SH3KBP1: variants seen among roughly 807,000 people sequenced by gnomAD.
SH3KBP1 encodes the protein SH3 domain-containing kinase-binding protein 1.
A neutral mutation model predicts 50.1 loss-of-function variants in SH3KBP1; 8 were observed. The observed-to-expected ratio is 0.16, with a 90% CI of 0.09 to 0.29. SH3KBP1 has a LOEUF of 0.29. Ranked by LOEUF, SH3KBP1 falls within the 10% of genes least tolerant of loss-of-function variation. The probability of loss-of-function intolerance (pLI) is 1.00; values close to 1 mark genes in which losing one functional copy is unlikely to be tolerated. For synonymous variants in SH3KBP1, 227 were observed against 218.6 expected, an observed-to-expected ratio of 1.04 and a Z score of -0.34; for missense variants, 377 against 535.2, an observed-to-expected ratio of 0.70 and a Z score of 2.92.
Position 19,572,629 on chromosome X carries a change from G to A in SH3KBP1, c.1299-3441C>T, listed in dbSNP as rs189278515. Among the ~76,000 whole-genome samples the A allele has an allele frequency of 3.7e-3, 404 of 109,237 alleles. 3 individuals are homozygous for A. Among genetic ancestry groups the A allele is most frequent in the African/African-American group, 0.013 (394 of 30,015 alleles). 94.9% of individuals were successfully genotyped at this position (109,237 alleles called of 115,157 possible). A position where few individuals can be genotyped will look rare whatever the true frequency, so the allele number is the denominator to read the frequency against. On this transcript the variant is annotated intron_variant, in intron 12 of 17. Transcript: ENST00000397821. ...GGCTGGAGTGCAGTGGCGTGATCTC[G>A]GCTCACTGCAACCTCCACCTCCCAA... is the stretch of plus-strand genomic sequence containing the variant.
chrX:19,878,688 G>A (rs1242528822), intron 1 of SH3KBP1, among the ~76,000 whole-genome samples: 1 of 110,237 alleles, frequency 9.1e-6, no homozygotes, highest in Non-Finnish European at 1.9e-5. Flanking sequence ...GAACCCCCAG[G>A]GGACATGGAT....
chrX:19,584,271 A>ATATATATAAATATATTTATATT (rs2066485162), intron 12 of SH3KBP1, among the ~76,000 whole-genome samples: 2 of 52,261 alleles, frequency 3.8e-5, no homozygotes, highest in African/African-American at 1.8e-4. Flanking sequence ...ATACATATTT[A>ATATATATAAATATATTTATATT]TATATATATA....
At chrX:19,840,576 T>C (rs966727750) in intron 1 of SH3KBP1, among the ~76,000 whole-genome samples, 2 of 111,957 alleles carry the variant, frequency 1.8e-5, no homozygotes, top group Non-Finnish European at 3.8e-5. Flanking sequence ...TCTTGGATGA[T>C]ACAAACACAG....
At chrX:19,861,147 C>A (rs1367257819) in intron 1 of SH3KBP1, among the ~76,000 whole-genome samples, 1 of 111,061 alleles carries the variant, frequency 9.0e-6, no homozygotes, top group African/African-American at 3.3e-5. Flanking sequence ...GAGGCCAAGG[C>A]GGGTAGATCA....
intron 3 of SH3KBP1, among the ~76,000 whole-genome samples, chrX:19,712,451 T>G (rs2063799464): frequency 8.9e-6 from 1 of 111,931 alleles, no homozygotes; most frequent in African/African-American, 3.3e-5. Context: ...ATCAGATAGA[T>G]AGTTATGGGG....
At chrX:19,734,029 C>A (rs994866881) in intron 3 of SH3KBP1, among the ~76,000 whole-genome samples, 3 of 112,177 alleles carry the variant, frequency 2.7e-5, no homozygotes, top group Non-Finnish European at 3.8e-5. Context: ...CTAAAGAAAT[C>A]ATCAGAGCTG....
chrX:19,815,456 T>A (rs1251945316), intron 2 of SH3KBP1, among the ~76,000 whole-genome samples: 1 of 111,599 alleles, frequency 9.0e-6, no homozygotes, highest in African/African-American at 3.3e-5. Flanking sequence ...ATTGGTACAA[T>A]ACTGTTCACT....
intron 1 of SH3KBP1, among the ~76,000 whole-genome samples, chrX:19,866,218 G>A (rs946298816): frequency 3.6e-5 from 4 of 111,352 alleles, no homozygotes; most frequent in Non-Finnish European, 7.5e-5. Flanking sequence ...GAGGAAGTGT[G>A]GCAAGCCTGA....
chrX:19,591,745 T>C (rs1026040696), intron 11 of SH3KBP1, among the ~76,000 whole-genome samples: 2 of 112,213 alleles, frequency 1.8e-5, no homozygotes, highest in African/African-American at 6.5e-5. Context: ...CTGACAGATA[T>C]ATACCAGGCC....
chrX:19,669,667 A>G (rs1294456679), intron 6 of SH3KBP1, among the ~76,000 whole-genome samples: 2 of 111,997 alleles, frequency 1.8e-5, no homozygotes, highest in Non-Finnish European at 3.8e-5. Flanking sequence ...GACATCCAGC[A>G]TAAGATCAGC....
chrX:19,808,439 G>A (rs1475285600), intron 2 of SH3KBP1, among the ~76,000 whole-genome samples: 2 of 110,657 alleles, frequency 1.8e-5, no homozygotes. Flanking sequence ...GCCTTCCTCT[G>A]CAGAATAAGC....
intron 2 of SH3KBP1, among the ~76,000 whole-genome samples, chrX:19,820,821 T>G (rs2147334391): frequency 9.0e-6 from 1 of 111,595 alleles, no homozygotes; most frequent in South Asian, 3.7e-4. Flanking sequence ...TTTCCTTTTA[T>G]ATATAGGCAG....
chrX:19,773,485 A>T (rs866217117), intron 2 of SH3KBP1, among the ~76,000 whole-genome samples: 4 of 91,884 alleles, frequency 4.4e-5, no homozygotes, highest in Admixed American at 3.6e-4. Context: ...TCTCTCTCTC[A>T]CACACACAAA....
At chrX:19,806,411 G>A (rs1358101601) in intron 2 of SH3KBP1, among the ~76,000 whole-genome samples, 4 of 111,044 alleles carry the variant, frequency 3.6e-5, no homozygotes, top group African/African-American at 1.3e-4. Flanking sequence ...AGCTACTTGG[G>A]AGGCTGAGGC....
At chrX:19,827,274 A>G (rs752423468) in intron 2 of SH3KBP1, among the ~76,000 whole-genome samples, 12 of 111,905 alleles carry the variant, frequency 1.1e-4, no homozygotes, top group Non-Finnish European at 1.9e-4. Flanking sequence ...TTTGCCGAAC[A>G]CATACAAAAA....
chrX:19,550,464 T>C lies in SH3KBP1; in HGVS notation c.1385-381A>G, dbSNP rs755422968. Among the ~76,000 whole-genome samples the C allele has an allele frequency of 3.6e-5, 4 of 111,582 alleles. No individual in the cohort carries two copies. The South Asian group carries it at 1.5e-3, about 43-fold the overall frequency. ...CAGTCTCGACACAAAAGGCAGTTATTACAAGGTACAACAGCCACAAGCGAG... is the reference window on the plus strand; with the variant it reads ...CAGTCTCGACACAAAAGGCAGTTATCACAAGGTACAACAGCCACAAGCGAG... On this transcript the variant is annotated intron_variant, in intron 13 of 17. Transcript: ENST00000397821.
intron 2 of SH3KBP1, among the ~76,000 whole-genome samples, chrX:19,769,929 G>A (rs148210897): frequency 1.1e-4 from 12 of 111,278 alleles, no homozygotes; most frequent in Admixed American, 8.6e-4. Context: ...TGAAAATATC[G>A]CTTAAAATGT....
At chrX:19,664,785 C>G (rs765044110) in intron 6 of SH3KBP1, 6 of 111,983 alleles carry the variant, frequency 5.4e-5, no homozygotes, top group African/African-American at 1.9e-4. Context: ...TTAGCCTCTT[C>G]TGAATTGAAA....
intron 6 of SH3KBP1, among the ~76,000 whole-genome samples, chrX:19,673,640 C>T (rs1215023587): frequency 9.0e-6 from 1 of 111,132 alleles, no homozygotes; most frequent in Non-Finnish European, 1.9e-5. Context: ...CTCCCAGCTA[C>T]TTCCTCTCCC....
Sources: allele counts gnomAD v4.1 joint callset (sites outside exome capture counted in the v4.1 genomes callset), GRCh38; gene constraint gnomAD v4.1.1; transcripts MANE v1.5; gene names NCBI Gene and HGNC (gene_info 2026-07-23, HGNC 2026-07-21).